Variants in DMD observed in about 807,000 individuals in gnomAD.
The protein encoded by DMD is dystrophin.
DMD carries 63 observed loss-of-function variants against 330.1 expected under a neutral mutation model. That is an observed-to-expected ratio of 0.19 (90% confidence interval 0.16 to 0.24). The LOEUF (loss-of-function observed/expected upper bound fraction) is 0.24, where lower values mean the gene tolerates loss of function less well. Among genes scored for constraint, DMD ranks in the 10% least tolerant of loss-of-function variants. The pLI is 1.00. For missense variants in DMD, 3,344 were observed against 2,684.1 expected, an observed-to-expected ratio of 1.25 and a Z score of -5.43; for synonymous variants, 1,223 against 959.8, an observed-to-expected ratio of 1.27 and a Z score of -5.07.
Position 32,120,153 on chromosome X carries a change from T to G in DMD, c.6438+96763A>C, listed in dbSNP as rs1305529681. Among the ~76,000 whole-genome samples the G allele has an allele frequency of 4.4e-5, 5 of 112,508 alleles. No homozygotes were observed. In the Admixed American group the frequency reaches 4.7e-4, roughly 11 times the overall value. ...CTGGATTCAGAAGAATCATTTTCCC[T>G]TCGACTTTATGCTCACAAATGTGTT... On this transcript the variant is annotated intron_variant, in intron 44 of 78. Transcript: ENST00000357033.
intron 43 of DMD, among the ~76,000 whole-genome samples, chrX:32,285,857 G>A (rs1357598989): frequency 7.3e-5 from 8 of 110,297 alleles, no homozygotes; most frequent in African/African-American, 2.0e-4. Flanking sequence ...ATGCCACCAC[G>A]CACAGGTCAT....
intron 43 of DMD, among the ~76,000 whole-genome samples, chrX:32,276,779 G>A (rs2097390323): frequency 9.1e-6 from 1 of 110,316 alleles, no homozygotes; most frequent in Non-Finnish European, 1.9e-5. Flanking sequence ...AATTAGCCAC[G>A]CGTGATTGTG....
Position 32,365,118 on chromosome X carries a change from C to T in DMD, c.4927G>A (p.Gly1643Ser). Residue 1643 changes from glycine to serine, a missense_variant, in exon 35 of 79, where the codon GGC becomes AGC. Coordinates refer to ENST00000357033, the MANE Select transcript of DMD (RefSeq NM_004006.3). ...TCTTCCACCAACGTCTCCTTCTTGC[C>T]CAAAACTGTTTTCAAGGCCTCTCCT... ...EVGEALKTVL[G>S]KKETLVEDKL... 3.3e-6 allele frequency: 4 copies of T among 1,210,859 alleles called. No individual in the cohort carries two copies. Among genetic ancestry groups the T allele is most frequent in the Admixed American group, 2.2e-5 (1 of 45,890 alleles).
intron 74 of DMD, among the ~76,000 whole-genome samples, chrX:31,164,308 A>C (rs1327604201): frequency 1.8e-5 from 2 of 111,009 alleles, no homozygotes; most frequent in Non-Finnish European, 3.8e-5. Context: ...AGACTGTCAG[A>C]CATTTACACA....
At chrX:31,816,747 G>C (rs1028393636) in intron 50 of DMD, among the ~76,000 whole-genome samples, 1 of 104,597 alleles carries the variant, frequency 9.6e-6, no homozygotes, top group Non-Finnish European at 1.9e-5. Flanking sequence ...GTAGTAAACC[G>C]AGATCGCACC....
intron 60 of DMD, among the ~76,000 whole-genome samples, chrX:31,366,528 TAAAAGAAAA>T (rs1185134122): frequency 1.1e-3 from 33 of 29,812 alleles, no homozygotes; most frequent in Middle Eastern, 0.016. Context: ...ATAAAAAAGA[TAAAAGAAAA>T]AAAAGAAAAA....
At chrX:32,659,505 A>G (rs1198770571) in intron 9 of DMD, among the ~76,000 whole-genome samples, 1 of 110,683 alleles carries the variant, frequency 9.0e-6, no homozygotes, top group Non-Finnish European at 1.9e-5. Context: ...AGACAATTAT[A>G]AGGGTGTGAT....
At chrX:33,250,602 G>T (rs895718428) in intron 1 of DMD, among the ~76,000 whole-genome samples, 1 of 110,713 alleles carries the variant, frequency 9.0e-6, no homozygotes, top group Non-Finnish European at 1.9e-5. Context: ...ATATAAATAC[G>T]TATTGTCTAT....
At chrX:31,613,239 A>C (rs2078021884) in intron 55 of DMD, among the ~76,000 whole-genome samples, 1 of 112,115 alleles carries the variant, frequency 8.9e-6, no homozygotes, top group African/African-American at 3.2e-5. Context: ...CTGATTGACA[A>C]ATAGAATATG....
At chrX:32,603,698 C>T (rs765030870) in intron 12 of DMD, among the ~76,000 whole-genome samples, 14 of 110,661 alleles carry the variant, frequency 1.3e-4, no homozygotes, top group African/African-American at 3.6e-4. Flanking sequence ...CATAGAAATA[C>T]GAAAGATTAT....
chrX:32,938,580 T>C (rs1274024759), intron 2 of DMD, among the ~76,000 whole-genome samples: 1 of 112,012 alleles, frequency 8.9e-6, no homozygotes, highest in Non-Finnish European at 1.9e-5. Context: ...CAGGTTTTAG[T>C]TACTACCAAC....
At chrX:31,453,765 C>CAAAAAAA (rs760511403) in intron 59 of DMD, among the ~76,000 whole-genome samples, 17 of 8,952 alleles carry the variant, frequency 1.9e-3, no homozygotes, top group African/African-American at 2.5e-3. Flanking sequence ...AAAAAACAAG[C>CAAAAAAA]AAAAAAAAAA....
chrX:32,281,855 A>G (rs1256296120), intron 43 of DMD, among the ~76,000 whole-genome samples: 1 of 111,905 alleles, frequency 8.9e-6, no homozygotes, highest in Non-Finnish European at 1.9e-5. Context: ...GTAATAATAT[A>G]GAAATAAATA....
intron 15 of DMD, among the ~76,000 whole-genome samples, chrX:32,570,772 T>C (rs990888051): frequency 2.7e-5 from 3 of 111,665 alleles, no homozygotes; most frequent in African/African-American, 6.5e-5. Context: ...TGTAATGAGA[T>C]TGAAGAAACA....
At chrX:32,948,704 A>G (rs2145207) in intron 2 of DMD, among the ~76,000 whole-genome samples, 34,964 of 110,888 alleles carry the variant, frequency 0.32, 5,588 homozygotes, top group African/African-American at 0.62. Context: ...AAGCAAGAGA[A>G]GCTAAGGTTT....
At chrX:33,284,557 C>T (rs894269812) in intron 1 of DMD, among the ~76,000 whole-genome samples, 3 of 107,110 alleles carry the variant, frequency 2.8e-5, no homozygotes, top group Non-Finnish European at 5.8e-5. Flanking sequence ...TTACACAAAC[C>T]TTCATAATGT....
chrX:32,562,433 C>T (rs994981864), intron 16 of DMD, among the ~76,000 whole-genome samples: 3 of 112,509 alleles, frequency 2.7e-5, no homozygotes, highest in Admixed American at 9.4e-5. Context: ...CAATCATACG[C>T]GCAAGCAGTG....
At chrX:32,266,949 A>C (rs941517776) in intron 43 of DMD, among the ~76,000 whole-genome samples, 10 of 111,906 alleles carry the variant, frequency 8.9e-5, no homozygotes, top group Non-Finnish European at 1.9e-4. Flanking sequence ...GCTACATACA[A>C]AATCCTGAAA....
At chrX:31,445,608 G>A (rs2065215928) in intron 59 of DMD, among the ~76,000 whole-genome samples, 1 of 111,446 alleles carries the variant, frequency 9.0e-6, no homozygotes. Flanking sequence ...TTTCATTTAG[G>A]GAGTAGGGTA....
Sources: gnomAD v4.1 joint callset for allele counts (sites outside exome capture counted in the v4.1 genomes callset) on GRCh38, gnomAD v4.1.1 for gene constraint, MANE v1.5 for transcripts, NCBI Gene and HGNC (gene_info 2026-07-23, HGNC 2026-07-21) for gene names.